The following RAB19 variants were observed in gnomAD, a reference collection of about 807,000 sequenced individuals.
RAB19 encodes RAB19, member RAS oncogene family.
In RAB19, 21 loss-of-function variants were observed where a neutral mutation model predicts 17.3. The observed-to-expected ratio is 1.21, with a 90% confidence interval of 0.86 to 1.74. RAB19 has a LOEUF of 1.74. Ranked by LOEUF, RAB19 falls within the 40% of genes most tolerant of loss-of-function variation. The probability of loss-of-function intolerance (pLI) is 0.00; values close to 1 mark genes in which losing one functional copy is unlikely to be tolerated. For synonymous variants in RAB19, 126 were observed against 110.4 expected (o/e 1.14, Z -0.88); for missense variants, 277 against 286.8 (o/e 0.97, Z 0.25).
At chr7:140,420,514 G>A (rs912845000) in intron 3 of RAB19, among the ~76,000 whole-genome samples, 6 of 152,016 alleles carry the variant, frequency 3.9e-5, no homozygotes. Flanking sequence ...AGGAGAGAAC[G>A]GAGGAAGGAT....
At chr7:140,407,881 T>A (rs1013894147) in intron 2 of RAB19, 34 bp downstream of exon 2, 42 of 36,894 alleles carry the variant, frequency 1.1e-3, no homozygotes, top group Middle Eastern at 0.012. Flanking sequence ...TGGTTCCACC[T>A]TTTTTTTTTT....
At position 140,415,955 on chromosome 7, in the gene RAB19, C is replaced by T. The variant is rs192427518; in HGVS notation, c.385+3898C>T. ...GTGTGGTGGCTCACGTCAGTAATCC[C>T]AGTAGTTTGGGAGGCTGAGGTGGGG... On this transcript the variant is annotated intron_variant, in intron 3 of 3. Coordinates refer to ENST00000537763, the MANE Select transcript of RAB19 (RefSeq NM_001008749.3). 1.8e-3 allele frequency among the ~76,000 whole-genome samples: 280 copies of T among 151,870 alleles called. 2 individuals carry two copies. The East Asian group carries it at 0.026, about 14-fold the overall frequency.
chr7:140,418,608 G>A (rs1475043503), intron 3 of RAB19, among the ~76,000 whole-genome samples: 3 of 150,690 alleles, frequency 2.0e-5, no homozygotes, highest in Admixed American at 6.6e-5. Flanking sequence ...ATATTGACTG[G>A]GTGTGGGCTC....
At chr7:140,423,796 A>G (rs1445371036) in intron 3 of RAB19, among the ~76,000 whole-genome samples, 2 of 152,356 alleles carry the variant, frequency 1.3e-5, no homozygotes, top group Middle Eastern at 3.4e-3. Flanking sequence ...GTGTATAATT[A>G]CAAACATACA....
intron 3 of RAB19, among the ~76,000 whole-genome samples, chr7:140,420,859 G>A (rs1050339524): frequency 6.6e-6 from 1 of 151,990 alleles, no homozygotes; most frequent in African/African-American, 2.4e-5. Flanking sequence ...AAAAATACCT[G>A]AAGGAAGGAA....
chr7:140,411,538 T>TAAAA (rs11449354), intron 2 of RAB19, among the ~76,000 whole-genome samples: 9 of 144,976 alleles, frequency 6.2e-5, no homozygotes, highest in African/African-American at 1.8e-4. Flanking sequence ...CCTGATGAGC[T>TAAAA]AAAAAAAAAA....
intron 3 of RAB19, among the ~76,000 whole-genome samples, chr7:140,423,164 G>A (rs1036422862): frequency 6.6e-6 from 1 of 152,018 alleles, no homozygotes; most frequent in East Asian, 1.9e-4. Flanking sequence ...CCTTGGCTGG[G>A]CGTGGTGGCT....
intron 3 of RAB19, among the ~76,000 whole-genome samples, chr7:140,425,285 CAAACAAAACA>C (rs540341868): frequency 7.9e-5 from 12 of 151,592 alleles, no homozygotes; most frequent in South Asian, 6.3e-4. Context: ...GACTCCATCT[CAAACAAAACA>C]AAACAAAACA....
chr7:140,410,313 CTTTTTTTTTTTTT>C (rs762151021), intron 2 of RAB19, among the ~76,000 whole-genome samples: 2 of 81,038 alleles, frequency 2.5e-5, no homozygotes, highest in Non-Finnish European at 4.3e-5. Context: ...TTGTATTTTT[CTTTTTTTTTTTTT>C]TTTTTTTTTT....
chr7:140,426,072 C>G lies in RAB19; in HGVS notation c.576C>G (p.Ala192=), dbSNP rs750675356. ...RNSLHLYGES[A]LNGLPLDSSP... is the part of the protein sequence containing the mutation. ...GCCTGCACCTATATGGGGAGAGTGC[C>G]CTGAACGGCCTCCCCCTGGACTCCA... Residue 192 remains alanine (A), a synonymous_variant, in exon 4 of 4, where the codon GCC becomes GCG. Coordinates refer to ENST00000537763, the MANE Select transcript of RAB19 (RefSeq NM_001008749.3). The G allele has an allele frequency of 2.5e-6, 4 of 1,614,052 alleles. No individual in the cohort carries two copies. The highest frequency in any genetic ancestry group is 1.1e-5 in the South Asian group (1 of 91,084).
chr7:140,417,518 A>T (rs895622554), intron 3 of RAB19, among the ~76,000 whole-genome samples: 3 of 152,002 alleles, frequency 2.0e-5, no homozygotes, highest in Admixed American at 2.0e-4. Context: ...AGGGACTGTC[A>T]TTCCTTTCTT....
At chr7:140,411,706 C>T in intron 2 of RAB19, 168 bp from the exon 3 acceptor site, 1 of 1,445,126 alleles carries the variant, frequency 6.9e-7, no homozygotes, top group South Asian at 1.4e-5. Flanking sequence ...CCAAGTCATC[C>T]AGGGAGCAAC....
Position 140,413,760 on chromosome 7 carries a change from T to C in RAB19, c.385+1703T>C, listed in dbSNP as rs568026128. On this transcript the variant is annotated intron_variant, in intron 3 of 3. Coordinates refer to ENST00000537763, the MANE Select transcript of RAB19 (RefSeq NM_001008749.3). Reference sequence around the variant, plus strand: ...CTGTTATGTCCTAGTAGAGCAAAGATGGGAGAGCTGTGCCATGGCATACAA... The same window carrying C: ...CTGTTATGTCCTAGTAGAGCAAAGACGGGAGAGCTGTGCCATGGCATACAA... 2.0e-4 allele frequency among the ~76,000 whole-genome samples: 30 copies of C among 152,060 alleles called. 1 individual carries two copies. Among genetic ancestry groups the C allele is most frequent in the Admixed American group, 1.8e-3 (27 of 15,250 alleles).
At chr7:140,406,321 G>C (rs566657287) in intron 1 of RAB19, among the ~76,000 whole-genome samples, 1 of 149,332 alleles carries the variant, frequency 6.7e-6, no homozygotes, top group African/African-American at 2.5e-5. Context: ...TAATCAGTTA[G>C]TTTGTGAAAC....
chr7:140,409,459 C>G (rs1799309455), intron 2 of RAB19, among the ~76,000 whole-genome samples: 1 of 152,072 alleles, frequency 6.6e-6, no homozygotes, highest in Non-Finnish European at 1.5e-5. Flanking sequence ...CTTTTGGAGG[C>G]CGAGGCAGGC....
intron 3 of RAB19, among the ~76,000 whole-genome samples, chr7:140,413,347 A>G (rs746920518): frequency 3.3e-5 from 5 of 151,556 alleles, no homozygotes; most frequent in Non-Finnish European, 7.4e-5. Flanking sequence ...TGCTCAGGGT[A>G]GCTTTGACTA....
rs570778385 is a variant in RAB19, at chr7:140,411,977, G to A, written c.305G>A (p.Arg102Gln). 7.4e-6 allele frequency: 12 copies of A among 1,613,988 alleles called. No individual in the cohort carries two copies. Among genetic ancestry groups the A allele is most frequent in the Middle Eastern group, 1.6e-4 (1 of 6,062 alleles). Residue 102 changes from arginine to glutamine, a missense_variant, in exon 3 of 4, where the codon CGG (arginine) becomes CAG (glutamine). By Grantham distance (43) the Arg-to-Gln change is conservative (BLOSUM62 1). Coordinates refer to ENST00000537763, the MANE Select transcript of RAB19 (RefSeq NM_001008749.3). ...AAIIAYDLTR[R>Q]STFESIPHWI... ...ATCATCGCCTATGACCTCACCCGGC[G>A]GTCCACGTTCGAGTCCATCCCTCAC...
intron 2 of RAB19, among the ~76,000 whole-genome samples, chr7:140,409,502 C>G (rs1286226055): frequency 6.6e-6 from 1 of 151,820 alleles, no homozygotes. Flanking sequence ...CAAGACCAGC[C>G]TGGCCAACGG....
rs1036188533 is a variant in RAB19, at chr7:140,427,733, T to A, written c.*1583T>A. Among the ~76,000 whole-genome samples, 1 of 151,938 alleles carries A rather than the reference T, an allele frequency of 6.6e-6. No individual in the cohort carries two copies. The highest frequency in any genetic ancestry group is 2.4e-5 in the African/African-American group (1 of 41,376). On this transcript the variant is annotated 3_prime_UTR_variant, in exon 4 of 4. Transcript: ENST00000537763. ...TCCCAAAGTGCTGGGATTACAGGTG[T>A]GAACCACCGCACCTGGCCTTTTTTT... is the stretch of plus-strand genomic sequence containing the variant.
Sources: allele counts gnomAD v4.1 joint callset (sites outside exome capture counted in the v4.1 genomes callset), GRCh38; gene constraint gnomAD v4.1.1; transcripts MANE v1.5; gene names NCBI Gene and HGNC (gene_info 2026-07-23, HGNC 2026-07-21).